The following FHIT variants were observed in gnomAD, a reference collection of about 807,000 sequenced individuals.
The protein encoded by FHIT is fragile histidine triad diadenosine triphosphatase.
FHIT carries 19 observed loss-of-function variants against 17.9 expected under a neutral mutation model. The ratio of observed to expected loss-of-function variants is 1.06; its 90% CI spans 0.74 to 1.56. The LOEUF (loss-of-function observed/expected upper bound fraction) is 1.56, where lower values mean the gene tolerates loss of function less well. FHIT is among the 40% of genes most tolerant of loss of function. FHIT has a pLI of 0.00. For missense variants in FHIT, 248 were observed against 189.2 expected, an observed-to-expected ratio of 1.31 and a Z score of -1.82; for synonymous variants, 81 against 69.7, an observed-to-expected ratio of 1.16 and a Z score of -0.81.
chr3:60,808,313 CT>C (rs1701466585), intron 4 of FHIT, among the ~76,000 whole-genome samples: 1 of 151,916 alleles, frequency 6.6e-6, no homozygotes, highest in Non-Finnish European at 1.5e-5. Flanking sequence ...TTTATTTCAA[CT>C]GTATCTTTTG....
intron 5 of FHIT, among the ~76,000 whole-genome samples, chr3:60,437,809 A>C (rs1245046735): frequency 6.6e-6 from 1 of 152,048 alleles, no homozygotes; most frequent in African/African-American, 2.4e-5. Flanking sequence ...TATATTCTAA[A>C]AATATGGAGT....
At chr3:60,790,787 T>G (rs1158718303) in intron 4 of FHIT, among the ~76,000 whole-genome samples, 1 of 152,212 alleles carries the variant, frequency 6.6e-6, no homozygotes, top group Non-Finnish European at 1.5e-5. Flanking sequence ...TGAGTCCTAA[T>G]GTAAACGAGG....
At chr3:60,770,168 T>C (rs1553722691) in intron 4 of FHIT, among the ~76,000 whole-genome samples, 2 of 152,114 alleles carry the variant, frequency 1.3e-5, no homozygotes, top group Non-Finnish European at 2.9e-5. Context: ...AGCAGAAGCA[T>C]TGAGGGTTTC....
At chr3:60,360,577 C>A (rs1416402478) in intron 5 of FHIT, among the ~76,000 whole-genome samples, 1 of 152,124 alleles carries the variant, frequency 6.6e-6, no homozygotes, top group African/African-American at 2.4e-5. Flanking sequence ...TGAGCACCCA[C>A]AAAATGAGGG....
intron 4 of FHIT, among the ~76,000 whole-genome samples, chr3:60,551,723 A>G (rs79887580): frequency 0.085 from 12,663 of 148,838 alleles, 1,167 homozygotes; most frequent in African/African-American, 0.22. Context: ...ATGCCCCTGC[A>G]CTCTAGCCTG....
At chr3:60,027,493 C>T (rs1453755630) in intron 5 of FHIT, among the ~76,000 whole-genome samples, 1 of 152,036 alleles carries the variant, frequency 6.6e-6, no homozygotes, top group Non-Finnish European at 1.5e-5. Context: ...CTGTCTTTAC[C>T]ATCATCACTT....
At chr3:59,942,484 A>G (rs1478048564) in intron 7 of FHIT, among the ~76,000 whole-genome samples, 1 of 152,154 alleles carries the variant, frequency 6.6e-6, no homozygotes, top group African/African-American at 2.4e-5. Flanking sequence ...AAAGGAAGGC[A>G]TATTTACGAG....
At chr3:59,849,044 A>T (rs1159399901) in intron 8 of FHIT, among the ~76,000 whole-genome samples, 1 of 152,194 alleles carries the variant, frequency 6.6e-6, no homozygotes, top group Non-Finnish European at 1.5e-5. Context: ...CTTTATAGGC[A>T]ATCAAGCTAA....
At chr3:60,959,801 CTTTTTTTTTT>C (rs1246211795) in intron 3 of FHIT, among the ~76,000 whole-genome samples, 3 of 119,728 alleles carry the variant, frequency 2.5e-5, no homozygotes, top group African/African-American at 9.4e-5. Context: ...GAGGCTTTTT[CTTTTTTTTTT>C]TTTTTTTAAT....
chr3:60,477,481 T>C (rs567648574), intron 5 of FHIT, among the ~76,000 whole-genome samples: 28 of 152,338 alleles, frequency 1.8e-4, no homozygotes, highest in Middle Eastern at 3.4e-3. Context: ...GCATACTGAA[T>C]GTGTACTCTC....
chr3:60,616,380 T>C (rs1322632214), intron 4 of FHIT, among the ~76,000 whole-genome samples: 1 of 152,232 alleles, frequency 6.6e-6, no homozygotes, highest in Non-Finnish European at 1.5e-5. Flanking sequence ...ATGATTATGA[T>C]GTGCACAGGT....
chr3:59,772,888 G>A (rs35595242), intron 8 of FHIT, among the ~76,000 whole-genome samples: 50,923 of 152,002 alleles, frequency 0.34, 9,091 homozygotes, highest in Middle Eastern at 0.48. Flanking sequence ...AGGAAGTGTA[G>A]GGCCAGGGCC....
chr3:60,543,481 T>G (rs912553529), intron 4 of FHIT, among the ~76,000 whole-genome samples: 3 of 152,236 alleles, frequency 2.0e-5, no homozygotes, highest in Admixed American at 2.0e-4. Flanking sequence ...ATGCTGCATT[T>G]ATGCTCTTTA....
At chr3:60,904,671 T>C (rs1301812734) in intron 3 of FHIT, among the ~76,000 whole-genome samples, 5 of 152,128 alleles carry the variant, frequency 3.3e-5, no homozygotes, top group Non-Finnish European at 5.9e-5. Flanking sequence ...CCAGGCGCAG[T>C]GGCTCACGCC....
chr3:61,169,667 A>G (rs995095039), intron 2 of FHIT, among the ~76,000 whole-genome samples: 3 of 152,228 alleles, frequency 2.0e-5, no homozygotes, highest in Non-Finnish European at 2.9e-5. Flanking sequence ...TTAAAATGAT[A>G]CAAGACAAAA....
chr3:59,965,122 G>A (rs1707863025), intron 7 of FHIT, among the ~76,000 whole-genome samples: 1 of 152,128 alleles, frequency 6.6e-6, no homozygotes, highest in East Asian at 1.9e-4. Flanking sequence ...GTAAATCAGA[G>A]AGTTAGCAAA....
At chr3:60,415,860 T>A (rs1365437212) in intron 5 of FHIT, among the ~76,000 whole-genome samples, 3 of 118,016 alleles carry the variant, frequency 2.5e-5, no homozygotes, top group African/African-American at 7.8e-5. Flanking sequence ...TTATATAAGA[T>A]ATTATTATAT....
At chr3:59,783,717 C>T (rs1575487569) in intron 8 of FHIT, among the ~76,000 whole-genome samples, 1 of 152,170 alleles carries the variant, frequency 6.6e-6, no homozygotes, top group East Asian at 1.9e-4. Context: ...GGTGAGCACA[C>T]ACCTCCCCAT....
At chr3:60,964,766 T>C (rs1349197996) in intron 3 of FHIT, among the ~76,000 whole-genome samples, 2 of 152,236 alleles carry the variant, frequency 1.3e-5, no homozygotes, top group Admixed American at 1.3e-4. Context: ...GCCCCCATTC[T>C]CTTCTGGCTT....
Sources: gnomAD v4.1 joint callset for allele counts (sites outside exome capture counted in the v4.1 genomes callset) on GRCh38, gnomAD v4.1.1 for gene constraint, MANE v1.5 for transcripts, NCBI Gene and HGNC (gene_info 2026-07-23, HGNC 2026-07-21) for gene names.